Variants in DHX8 observed in about 807,000 individuals in gnomAD.
The protein encoded by DHX8 is DEAH-box helicase 8, also known as ATP-dependent RNA helicase DHX8.
DHX8 carries 67 observed loss-of-function variants against 140.7 expected under a neutral mutation model. That is an observed-to-expected ratio of 0.48 (90% CI 0.39 to 0.58). DHX8 has a LOEUF of 0.58. DHX8 is among the 20% of genes least tolerant of loss of function. The pLI, the probability that DHX8 is intolerant of heterozygous loss-of-function variation, is 0.00. For missense variants in DHX8, 887 were observed against 1,550.7 expected (o/e 0.57, Z 7.19); for synonymous variants, 533 against 553.2 (o/e 0.96, Z 0.51).
At chr17:43,517,353 G>C (rs753092783) in intron 18 of DHX8, 31 bp downstream of exon 18, 2 of 1,608,860 alleles carry the variant, frequency 1.2e-6, no homozygotes, top group East Asian at 4.5e-5. Context: ...AAAATGGGTT[G>C]GTGGAACAGT....
In DHX8 at chr17:43,524,543, A is replaced by T. The variant is rs3179927; in HGVS notation, c.*696A>T. On this transcript the variant is annotated 3_prime_UTR_variant, in exon 23 of 23. Coordinates refer to ENST00000262415, the MANE Select transcript of DHX8 (RefSeq NM_004941.3). ...ACTAGCCGGGCCGTGCTGGGGGATC[A>T]CCCGATGATCAACCATGTCCTCTCC... 1 of 985,706 alleles carries T rather than the reference A, an allele frequency of 1.0e-6. No homozygotes were observed. Among genetic ancestry groups the T allele is most frequent in the Admixed American group, 6.1e-5 (1 of 16,300 alleles). 61.1% of individuals were successfully genotyped at this position (985,706 alleles called of 1,614,324 possible). A position where few individuals can be genotyped will look rare whatever the true frequency, so the allele number is the denominator to read the frequency against.
Position 43,492,111 on chromosome 17 carries a change from A to G in DHX8, c.394-72A>G, listed in dbSNP as rs943271677. On this transcript the variant is annotated intron_variant, in intron 4 of 22. Coordinates refer to ENST00000262415, the MANE Select transcript of DHX8 (RefSeq NM_004941.3). ...CCTCACATAGTGATTAGTGATTTATAGATGTACCTGAGGTACATACAGATT... is the reference window on the plus strand; with the variant it reads ...CCTCACATAGTGATTAGTGATTTATGGATGTACCTGAGGTACATACAGATT... The G allele has an allele frequency of 2.1e-5, 21 of 991,374 alleles. 1 individual carries two copies. The Middle Eastern group carries it at 8.2e-4, about 39-fold the overall frequency. 61.4% of individuals were successfully genotyped at this position (991,374 alleles called of 1,614,324 possible).
At chr17:43,511,455 C>CCTTTTTTTTTTTTTTTTT (rs1279628229) in intron 16 of DHX8, among the ~76,000 whole-genome samples, 2 of 6,592 alleles carry the variant, frequency 3.0e-4, no homozygotes, top group Admixed American at 1.7e-3. Context: ...GTGATCCCAG[C>CCTTTTTTTTTTTTTTTTT]ATTTTTTTTT....
Position 43,525,297 on chromosome 17 carries a change from T to A in DHX8, c.*1450T>A. Reference sequence around the variant, plus strand: ...AAATGCTAGAACTACTGTAGAACTGTATGCCAGACACTAAGAGAGACTATG... The same window carrying A: ...AAATGCTAGAACTACTGTAGAACTGAATGCCAGACACTAAGAGAGACTATG... On this transcript the variant is annotated 3_prime_UTR_variant, in exon 23 of 23. Transcript: ENST00000262415. 2 of 985,450 alleles carry A rather than the reference T, an allele frequency of 2.0e-6. No homozygotes were observed. Among genetic ancestry groups the A allele is most frequent in the Non-Finnish European group, 2.4e-6 (2 of 829,926 alleles). 61.0% of individuals were successfully genotyped at this position (985,450 alleles called of 1,614,324 possible).
chr17:43,510,231 A>G (rs1049589529), intron 16 of DHX8, among the ~76,000 whole-genome samples: 1 of 151,812 alleles, frequency 6.6e-6, no homozygotes, highest in African/African-American at 2.4e-5. Context: ...TATTTTTAGT[A>G]GAGACAGGGT....
At chr17:43,533,825 T>C (rs540923247) in intron 2 of DHX8, 22 of 1,605,884 alleles carry the variant, frequency 1.4e-5, no homozygotes, top group South Asian at 4.5e-5. Flanking sequence ...GGAACCCTTC[T>C]CCTACCCTTC....
At chr17:43,497,544 C>T (rs931053174) in intron 9 of DHX8, among the ~76,000 whole-genome samples, 2 of 151,986 alleles carry the variant, frequency 1.3e-5, no homozygotes, top group African/African-American at 4.8e-5. Flanking sequence ...TTGCATGAGC[C>T]TAGGAGTTTG....
intron 9 of DHX8, among the ~76,000 whole-genome samples, chr17:43,497,841 C>T (rs557405349): frequency 2.6e-5 from 4 of 152,086 alleles, no homozygotes; most frequent in South Asian, 2.1e-4. Flanking sequence ...GTTTCTGTAC[C>T]GTTTATACTT....
At chr17:43,517,464 G>A in intron 18 of DHX8, 142 bp downstream of exon 18, 1 of 966,284 alleles carries the variant, frequency 1.0e-6, no homozygotes, top group Non-Finnish European at 1.5e-6. Context: ...GCAAATGGCT[G>A]TGATAACAGC....
downstream of DHX8, chr17:43,526,610 G>C (rs1567702420): frequency 6.5e-7 from 1 of 1,535,526 alleles, no homozygotes. Flanking sequence ...GAACAGTTCA[G>C]AGGGCAGAGG....
chr17:43,494,582 G>A (rs1322381012), intron 8 of DHX8, among the ~76,000 whole-genome samples: 3 of 151,468 alleles, frequency 2.0e-5, no homozygotes, highest in South Asian at 2.1e-4. Context: ...TTAGCCGGGC[G>A]TCATGGTGCG....
At chr17:43,529,032 G>T, downstream of DHX8, 2 of 1,083,076 alleles carry the variant, frequency 1.8e-6, no homozygotes, top group African/African-American at 1.5e-5. Context: ...TTCATTATCT[G>T]ATCCTACAAA....
downstream of DHX8, among the ~76,000 whole-genome samples, chr17:43,531,334 G>T (rs1450446766): frequency 1.3e-5 from 2 of 152,166 alleles, no homozygotes; most frequent in Non-Finnish European, 2.9e-5. Flanking sequence ...GGCCCTTGAG[G>T]CTTTGAACTA....
Position 43,489,485 on chromosome 17 carries a change from C to T in DHX8, c.185C>T (p.Thr62Ile), listed in dbSNP as rs146754376. 7 of 1,610,722 alleles carry T rather than the reference C, an allele frequency of 4.3e-6. No individual in the cohort carries two copies. The African/African-American group carries it at 5.5e-5, about 13-fold the overall frequency. ...FVISLAEKNT[T>I]FDTFKASLVK... ...ATCAGTCTTGCTGAGAAAAATACCA[C>T]CTTTGATACTTTTAAGGCTTCTCTC... Residue 62 changes from threonine (T) to isoleucine (I), a missense_variant, in exon 2 of 23, where the codon ACC becomes ATC. Physicochemically the swap from Thr to Ile is moderately conservative, Grantham distance 89. Transcript: ENST00000262415.
chr17:43,486,875 CAAAAA>C (rs34339308), intron 1 of DHX8, among the ~76,000 whole-genome samples: 1,073 of 95,286 alleles, frequency 0.011, 5 homozygotes, highest in Non-Finnish European at 0.018. Flanking sequence ...GACTCCGTCT[CAAAAA>C]AAAAAAAAAA....
At chr17:43,535,217 T>C (rs1971174349) in intron 2 of DHX8, among the ~76,000 whole-genome samples, 1 of 152,210 alleles carries the variant, frequency 6.6e-6, no homozygotes, top group Non-Finnish European at 1.5e-5. Context: ...TTGTGCCCCA[T>C]TGTTTCACTG....
chr17:43,539,609 C>A (rs942204008), intron 3 of DHX8, among the ~76,000 whole-genome samples: 7 of 152,224 alleles, frequency 4.6e-5, no homozygotes, highest in African/African-American at 1.7e-4. Flanking sequence ...GCTGTTATTT[C>A]TTGACTACAT....
At chr17:43,484,286 G>A (rs990532760) in intron 1 of DHX8, 101 bp downstream of exon 1, 3 of 1,345,948 alleles carry the variant, frequency 2.2e-6, no homozygotes, top group Non-Finnish European at 3.1e-6. Flanking sequence ...AAGTATGTTC[G>A]TGTGAATCTG....
At chr17:43,488,070 G>A (rs555306080) in intron 1 of DHX8, among the ~76,000 whole-genome samples, 1 of 152,248 alleles carries the variant, frequency 6.6e-6, no homozygotes, top group South Asian at 2.1e-4. Flanking sequence ...ACAAGGTCGT[G>A]GGTTCGAGAC....
Sources: allele counts gnomAD v4.1 joint callset (sites outside exome capture counted in the v4.1 genomes callset), GRCh38; gene constraint gnomAD v4.1.1; transcripts MANE v1.5; gene names NCBI Gene and HGNC (gene_info 2026-07-23, HGNC 2026-07-21).